Variants in LSAMP observed in about 807,000 individuals in gnomAD.
LSAMP encodes limbic system-associated membrane protein.
In LSAMP, 7 loss-of-function variants were observed where a neutral mutation model predicts 38.6. The observed-to-expected ratio is 0.18, with a 90% CI of 0.10 to 0.34. The LOEUF is 0.34. LSAMP is among the 10% of genes least tolerant of loss of function. The pLI is 1.00. For missense variants in LSAMP, 313 were observed against 420.0 expected (o/e 0.75, Z 2.23); for synonymous variants, 154 against 166.8 (o/e 0.92, Z 0.59).
At chr3:116,030,494 G>A (rs1036747046) in intron 2 of LSAMP, among the ~76,000 whole-genome samples, 4 of 152,164 alleles carry the variant, frequency 2.6e-5, no homozygotes, top group African/African-American at 4.8e-5. Flanking sequence ...ATTTGGGAAA[G>A]CATACAGATG....
chr3:115,979,029 A>G (rs1415305816), intron 3 of LSAMP, among the ~76,000 whole-genome samples: 1 of 152,146 alleles, frequency 6.6e-6, no homozygotes, highest in Non-Finnish European at 1.5e-5. Flanking sequence ...AATAAAACTG[A>G]GTTTTATATA....
intron 1 of LSAMP, among the ~76,000 whole-genome samples, chr3:116,236,263 G>T (rs1428504445): frequency 6.6e-6 from 1 of 151,862 alleles, no homozygotes; most frequent in Non-Finnish European, 1.5e-5. Flanking sequence ...AATGGGCTAT[G>T]CATTTCCATA....
intron 2 of LSAMP, among the ~76,000 whole-genome samples, chr3:116,040,518 A>C (rs1941145205): frequency 6.6e-6 from 1 of 152,126 alleles, no homozygotes; most frequent in African/African-American, 2.4e-5. Flanking sequence ...TTGTGTACCC[A>C]CCATTCTTAT....
At chr3:116,339,358 T>C (rs1034023334) in intron 1 of LSAMP, among the ~76,000 whole-genome samples, 1 of 151,450 alleles carries the variant, frequency 6.6e-6, no homozygotes, top group African/African-American at 2.4e-5. Context: ...AGATGACTTG[T>C]AGCCATGGTT....
At chr3:116,291,613 G>A (rs1033686822) in intron 1 of LSAMP, among the ~76,000 whole-genome samples, 4 of 152,136 alleles carry the variant, frequency 2.6e-5, no homozygotes, top group African/African-American at 9.7e-5. Flanking sequence ...GTTAGAATAG[G>A]GGGTAGGGAT....
chr3:116,133,028 T>G (rs758538602), intron 1 of LSAMP, among the ~76,000 whole-genome samples: 5 of 152,178 alleles, frequency 3.3e-5, no homozygotes, highest in Non-Finnish European at 5.9e-5. Flanking sequence ...ACCAAAGTTT[T>G]GTGACACGGC....
intron 3 of LSAMP, among the ~76,000 whole-genome samples, chr3:115,952,762 T>C (rs1938333069): frequency 6.6e-6 from 1 of 152,128 alleles, no homozygotes; most frequent in East Asian, 1.9e-4. Context: ...TCAATAAGCT[T>C]GTATAGGGCC....
intron 1 of LSAMP, among the ~76,000 whole-genome samples, chr3:116,274,012 G>GCACTT (rs1370726565): frequency 1.3e-5 from 2 of 151,650 alleles, no homozygotes; most frequent in Admixed American, 1.3e-4. Flanking sequence ...TCCATTTACA[G>GCACTT]CACTTCTCCT....
intron 3 of LSAMP, among the ~76,000 whole-genome samples, chr3:115,903,384 C>T (rs1020115092): frequency 2.0e-5 from 3 of 152,012 alleles, no homozygotes; most frequent in African/African-American, 4.8e-5. Context: ...AGTCACCAAT[C>T]GGTACTAGAC....
At chr3:115,978,716 G>C (rs1164070163) in intron 3 of LSAMP, among the ~76,000 whole-genome samples, 1 of 151,858 alleles carries the variant, frequency 6.6e-6, no homozygotes, top group Non-Finnish European at 1.5e-5. Flanking sequence ...TTAAGGAGTT[G>C]GCAGAAATGA....
intron 1 of LSAMP, among the ~76,000 whole-genome samples, chr3:116,395,775 T>C (rs1250893127): frequency 1.3e-5 from 2 of 152,230 alleles, no homozygotes; most frequent in East Asian, 3.9e-4. Context: ...CCATTGTTAC[T>C]TTTCCCTTCT....
chr3:115,928,057 C>T (rs1312890569), intron 3 of LSAMP, among the ~76,000 whole-genome samples: 1 of 152,006 alleles, frequency 6.6e-6, no homozygotes, highest in Admixed American at 6.6e-5. Flanking sequence ...AATTGCAATC[C>T]CCATGCACAG....
At chr3:116,184,640 C>T (rs1710567951) in intron 1 of LSAMP, among the ~76,000 whole-genome samples, 1 of 151,890 alleles carries the variant, frequency 6.6e-6, no homozygotes, top group African/African-American at 2.4e-5. Flanking sequence ...CCTGCAGGCA[C>T]ACTTGAGCTT....
chr3:116,184,974 A>C (rs1245137294), intron 1 of LSAMP, among the ~76,000 whole-genome samples: 1 of 149,348 alleles, frequency 6.7e-6, no homozygotes, highest in Admixed American at 6.7e-5. Context: ...AAGTCTTCTA[A>C]ATGTTTCCAG....
intron 4 of LSAMP, among the ~76,000 whole-genome samples, chr3:115,851,022 G>A (rs1325591369): frequency 6.6e-6 from 1 of 152,076 alleles, no homozygotes; most frequent in African/African-American, 2.4e-5. Context: ...TGCCCATGCT[G>A]AAGTGCAGTG....
At chr3:115,980,175 T>G (rs1939315690) in intron 3 of LSAMP, among the ~76,000 whole-genome samples, 1 of 152,154 alleles carries the variant, frequency 6.6e-6, no homozygotes, top group East Asian at 1.9e-4. Context: ...AAATATTCTT[T>G]CAAGTTTTCA....
At chr3:116,229,951 T>C (rs1352715753) in intron 1 of LSAMP, among the ~76,000 whole-genome samples, 1 of 152,158 alleles carries the variant, frequency 6.6e-6, no homozygotes, top group Non-Finnish European at 1.5e-5. Flanking sequence ...GATTATACAT[T>C]TGGCATTTAC....
At chr3:115,973,324 T>C (rs1939076779) in intron 3 of LSAMP, among the ~76,000 whole-genome samples, 1 of 152,230 alleles carries the variant, frequency 6.6e-6, no homozygotes, top group Non-Finnish European at 1.5e-5. Flanking sequence ...GTGTCTCTTA[T>C]TCAAAATGCT....
intron 1 of LSAMP, among the ~76,000 whole-genome samples, chr3:116,098,754 A>AT (rs895508261): frequency 1.1e-4 from 17 of 151,070 alleles, no homozygotes; most frequent in Non-Finnish European, 1.5e-4. Context: ...TCACCAAAGC[A>AT]TTTTTTTTTC....
Sources: allele counts gnomAD v4.1 joint callset (sites outside exome capture counted in the v4.1 genomes callset), GRCh38; gene constraint gnomAD v4.1.1; transcripts MANE v1.5; gene names NCBI Gene and HGNC (gene_info 2026-07-23, HGNC 2026-07-21).